The following PRKCI variants were observed in gnomAD, a reference collection of about 807,000 sequenced individuals.
PRKCI encodes protein kinase C iota type.
In PRKCI, 43 loss-of-function variants were observed where a neutral mutation model predicts 84.0. The ratio of observed to expected loss-of-function variants is 0.51; its 90% CI spans 0.40 to 0.66. The LOEUF is 0.66. Among genes scored for constraint, PRKCI ranks in the 30% least tolerant of loss-of-function variants. The pLI is 0.00. For synonymous variants in PRKCI, 216 were observed against 234.4 expected, an observed-to-expected ratio of 0.92 and a Z score of 0.72; for missense variants, 459 against 745.6, an observed-to-expected ratio of 0.62 and a Z score of 4.48.
chr3:170,245,945 C>CTTTTTTTTTTTTT (rs1485554269), intron 2 of PRKCI, among the ~76,000 whole-genome samples: 1 of 95,170 alleles, frequency 1.1e-5, no homozygotes, highest in African/African-American at 4.8e-5. Flanking sequence ...GATGTTATGT[C>CTTTTTTTTTTTTT]TTTGTTTTTT....
intron 11 of PRKCI, among the ~76,000 whole-genome samples, chr3:170,283,702 A>G (rs555098918): frequency 6.6e-6 from 1 of 152,182 alleles, no homozygotes; most frequent in Non-Finnish European, 1.5e-5. Context: ...GTTTTATACC[A>G]TCTTTGCTTT....
In PRKCI at chr3:170,258,643, A is replaced by G. The variant is rs1045832828; in HGVS notation, c.224-1326A>G. On this transcript the variant is annotated intron_variant, in intron 2 of 17. Transcript: ENST00000295797. ...ATGCCATAGTCCAGGCAGATGTGCC[A>G]CCTCATTGATCGCCAGGGATGACTC... Among the ~76,000 whole-genome samples the G allele has an allele frequency of 1.2e-4, 18 of 152,144 alleles. 1 individual carries two copies. Among genetic ancestry groups the G allele is most frequent in the African/African-American group, 4.3e-4 (18 of 41,414 alleles).
intron 2 of PRKCI, among the ~76,000 whole-genome samples, chr3:170,243,820 G>T (rs1354496299): frequency 6.6e-6 from 1 of 152,156 alleles, no homozygotes; most frequent in Non-Finnish European, 1.5e-5. Context: ...CTTAGTTCTG[G>T]CCTCTGCCCC....
At chr3:170,275,418 A>C in intron 8 of PRKCI, 131 bp downstream of exon 8, 1 of 777,850 alleles carries the variant, frequency 1.3e-6, no homozygotes, top group Non-Finnish European at 1.9e-6. Flanking sequence ...ATTTGTAATG[A>C]TTCCAGAGTT....
At chr3:170,231,245 G>A (rs957667947) in intron 1 of PRKCI, among the ~76,000 whole-genome samples, 2 of 151,948 alleles carry the variant, frequency 1.3e-5, no homozygotes, top group Non-Finnish European at 2.9e-5. Context: ...ACAGGCTTGA[G>A]CCACCGTGCC....
intron 15 of PRKCI, among the ~76,000 whole-genome samples, 159 bp downstream of exon 15, chr3:170,296,149 G>A (rs1560186835): frequency 6.6e-6 from 1 of 152,174 alleles, no homozygotes; most frequent in Non-Finnish European, 1.5e-5. Flanking sequence ...GTAATTGACA[G>A]CATTAGATCC....
At chr3:170,232,810 G>C (rs915908670) in intron 1 of PRKCI, among the ~76,000 whole-genome samples, 3 of 152,062 alleles carry the variant, frequency 2.0e-5, no homozygotes, top group Non-Finnish European at 4.4e-5. Context: ...TGAGTAGGTG[G>C]GATTACAGGC....
intron 2 of PRKCI, among the ~76,000 whole-genome samples, chr3:170,259,674 C>T (rs748716959): frequency 1.3e-5 from 2 of 151,846 alleles, no homozygotes; most frequent in Admixed American, 6.6e-5. Context: ...GGTGTGGTGG[C>T]ACACACCTGT....
chr3:170,275,241 A>G lies in PRKCI; in HGVS notation c.659A>G (p.Asn220Ser). Residue 220 changes from asparagine (N) to serine (S), a missense_variant, in exon 8 of 18, where the codon AAT becomes AGT. This residue lies in a region of PRKCI where 250 missense variants were observed against 319.7 expected (regional missense o/e 0.78). Transcript: ENST00000295797. ...SDHAQTVIPY[N>S]PSSHESLDQV... The stretch of plus-strand genomic sequence containing the variant: ...ATTGGGTTTTTAGTAATTCCATATA[A>G]TCCTTCAAGTCATGAGAGTTTGGAT... The G allele has an allele frequency of 6.3e-7, 1 of 1,579,150 alleles. No homozygotes were observed. The highest frequency in any genetic ancestry group is 8.6e-7 in the Non-Finnish European group (1 of 1,168,334).
chr3:170,235,915 G>A (rs1732962688), intron 2 of PRKCI, among the ~76,000 whole-genome samples: 1 of 151,294 alleles, frequency 6.6e-6, no homozygotes, highest in African/African-American at 2.4e-5. Flanking sequence ...ATAGTGTGAT[G>A]TTTTACTTTA....
chr3:170,237,526 C>T (rs2108838227), intron 2 of PRKCI, among the ~76,000 whole-genome samples: 1 of 152,168 alleles, frequency 6.6e-6, no homozygotes, highest in Admixed American at 6.5e-5. Context: ...CCTTGAAAAC[C>T]TGTGGAAATA....
chr3:170,266,965 C>T (rs1733873782), intron 4 of PRKCI, among the ~76,000 whole-genome samples: 1 of 152,124 alleles, frequency 6.6e-6, no homozygotes, highest in South Asian at 2.1e-4. Flanking sequence ...TGGACTCCAG[C>T]CTGGGTGATG....
At chr3:170,280,763 T>C (rs1457872310) in intron 9 of PRKCI, among the ~76,000 whole-genome samples, 2 of 152,212 alleles carry the variant, frequency 1.3e-5, no homozygotes, top group African/African-American at 4.8e-5. Context: ...AGTACTATTT[T>C]AAAGAAAACC....
chr3:170,224,390 A>G (rs1359363002), intron 1 of PRKCI, among the ~76,000 whole-genome samples: 1 of 152,046 alleles, frequency 6.6e-6, no homozygotes, highest in Non-Finnish European at 1.5e-5. Context: ...AGTTGTCACA[A>G]GAGCTGTTTT....
intron 10 of PRKCI, 29 bp downstream of exon 10, chr3:170,281,292 C>G: frequency 3.2e-6 from 5 of 1,578,436 alleles, no homozygotes; most frequent in Non-Finnish European, 4.4e-6. Flanking sequence ...AGAATGATTA[C>G]TGGGCTTCAT....
chr3:170,260,343 G>C (rs958883865), intron 3 of PRKCI, among the ~76,000 whole-genome samples: 3 of 152,164 alleles, frequency 2.0e-5, no homozygotes, highest in African/African-American at 7.2e-5. Context: ...TAAAAATTGA[G>C]AGCCTGGGGA....
intron 14 of PRKCI, among the ~76,000 whole-genome samples, chr3:170,294,625 A>G (rs1287439110): frequency 3.3e-5 from 5 of 152,246 alleles, no homozygotes; most frequent in Non-Finnish European, 7.3e-5. Context: ...AGTGTCCAAA[A>G]AAATTGCATA....
intron 16 of PRKCI, 98 bp downstream of exon 16, chr3:170,297,491 G>C: frequency 1.0e-6 from 1 of 997,606 alleles, no homozygotes; most frequent in Non-Finnish European, 1.5e-6. Context: ...GTCTTGCTCT[G>C]TCACCGAGGC....
intron 2 of PRKCI, among the ~76,000 whole-genome samples, chr3:170,238,869 G>A (rs540669389): frequency 3.7e-4 from 57 of 152,174 alleles, no homozygotes; most frequent in African/African-American, 1.3e-3. Context: ...GGGATTACAG[G>A]CATGAGCCAC....
Sources: allele counts gnomAD v4.1 joint callset (sites outside exome capture counted in the v4.1 genomes callset), GRCh38; gene constraint gnomAD v4.1.1; regional missense constraint gnomAD v4.1.1; transcripts MANE v1.5; gene names NCBI Gene and HGNC (gene_info 2026-07-23, HGNC 2026-07-21).